ACYP2: variants seen among roughly 807,000 people sequenced by gnomAD.
ACYP2 encodes the protein acylphosphatase-2.
Under a neutral mutation model 11.2 loss-of-function variants are expected in ACYP2, and 12 were observed. That is an observed-to-expected ratio of 1.08 (90% CI 0.69 to 1.74). ACYP2 has a LOEUF of 1.74. ACYP2 is among the 40% of genes most tolerant of loss of function. The pLI is 0.00. For synonymous variants in ACYP2, 43 were observed against 32.2 expected (o/e 1.33, Z -1.13); for missense variants, 134 against 101.9 (o/e 1.31, Z -1.35).
At chr2:54,058,709 A>G (rs1441268099) in intron 4 of ACYP2, among the ~76,000 whole-genome samples, 1 of 135,298 alleles carries the variant, frequency 7.4e-6, no homozygotes, top group Non-Finnish European at 1.6e-5. Flanking sequence ...CTGGCTGATA[A>G]TTTTTTTTTT....
rs146979516 is a variant in ACYP2, at chr2:54,134,193, C to T, written c.278-1260C>T. 6.6e-5 allele frequency among the ~76,000 whole-genome samples: 10 copies of T among 152,130 alleles called. No individual in the cohort carries two copies. In the East Asian group the frequency reaches 1.2e-3, roughly 18 times the overall value. Reference sequence around the variant, plus strand: ...CCTGGAGTCCTAGCTACTCAGGAGGCGAGGCAGGAAGATCCCTTGAGCCCA... The same window carrying T: ...CCTGGAGTCCTAGCTACTCAGGAGGTGAGGCAGGAAGATCCCTTGAGCCCA... On this transcript the variant is annotated intron_variant, in intron 4 of 6. Coordinates refer to ENST00000607452, the MANE Select transcript of ACYP2 (RefSeq NM_001320586.2).
At chr2:54,269,102 TA>T (rs1463849156) in intron 6 of ACYP2, among the ~76,000 whole-genome samples, 4 of 152,154 alleles carry the variant, frequency 2.6e-5, no homozygotes, top group African/African-American at 9.7e-5. Context: ...TTCAAATTAT[TA>T]ACTGTTTTGA....
intron 6 of ACYP2, among the ~76,000 whole-genome samples, chr2:54,209,144 G>A (rs1181426605): frequency 6.6e-6 from 1 of 151,768 alleles, no homozygotes; most frequent in Non-Finnish European, 1.5e-5. Flanking sequence ...ACATTGGGGG[G>A]AAGTAGAGAA....
At chr2:54,030,844 G>A (rs13426251) in intron 2 of ACYP2, among the ~76,000 whole-genome samples, 2,950 of 152,146 alleles carry the variant, frequency 0.019, 98 homozygotes, top group African/African-American at 0.068. Context: ...CTTTCCCAAA[G>A]TTTCCTTCAG....
At chr2:54,154,932 T>A (rs1026930452) in intron 6 of ACYP2, among the ~76,000 whole-genome samples, 2 of 152,216 alleles carry the variant, frequency 1.3e-5, no homozygotes, top group African/African-American at 4.8e-5. Context: ...GTATTATTGA[T>A]TTAGTCTTTT....
In ACYP2 at chr2:54,200,991, C is replaced by A. The variant is rs2103906897; in HGVS notation, c.404+62243C>A. Among the ~76,000 whole-genome samples, 3 of 152,214 alleles carry A rather than the reference C, an allele frequency of 2.0e-5. No homozygotes were observed. The Middle Eastern group carries it at 0.01, about 518-fold the overall frequency. Reference sequence around the variant, plus strand: ...CTCATTATGGTTTTGATTTGTATTTCCCTGGCGGCTGATCATGTTAAAATC... The same window carrying A: ...CTCATTATGGTTTTGATTTGTATTTACCTGGCGGCTGATCATGTTAAAATC... On this transcript the variant is annotated intron_variant, in intron 6 of 6. Coordinates refer to ENST00000607452, the MANE Select transcript of ACYP2 (RefSeq NM_001320586.2).
intron 6 of ACYP2, among the ~76,000 whole-genome samples, chr2:54,256,683 C>G (rs1023889332): frequency 2.0e-5 from 3 of 152,172 alleles, no homozygotes; most frequent in Admixed American, 6.5e-5. Context: ...TCGCTGTCGC[C>G]GAGGCTGGAG....
At chr2:54,014,445 G>T (rs957846345) in intron 2 of ACYP2, among the ~76,000 whole-genome samples, 1 of 151,672 alleles carries the variant, frequency 6.6e-6, no homozygotes, top group African/African-American at 2.4e-5. Context: ...TCATCCTCCC[G>T]AGTAGCTGAG....
rs747633146 is a variant in ACYP2, at chr2:54,115,729, GACT to G, written c.278-19721_278-19719del. 1.6e-5 allele frequency: 26 copies of G among 1,613,074 alleles called. 1 individual carries two copies. In the South Asian group the frequency reaches 2.9e-4, roughly 18 times the overall value. Reference sequence around the variant, plus strand: ...TACCGCCCAGTCACTCAAATCCGTGGACTACGAGGTGTTCGGAAGAGTGCAGGG... The same window carrying G: ...TACCGCCCAGTCACTCAAATCCGTGGACGAGGTGTTCGGAAGAGTGCAGGG... On this transcript the variant is annotated intron_variant, in intron 4 of 6. Transcript: ENST00000607452.
chr2:54,093,833 C>T (rs940481290), intron 4 of ACYP2, among the ~76,000 whole-genome samples: 11 of 152,052 alleles, frequency 7.2e-5, no homozygotes, highest in African/African-American at 1.7e-4. Flanking sequence ...CCAGCTACTC[C>T]GGAGGCTGAG....
intron 6 of ACYP2, among the ~76,000 whole-genome samples, chr2:54,287,329 A>G (rs893331403): frequency 2.6e-4 from 39 of 151,952 alleles, no homozygotes; most frequent in Non-Finnish European, 5.6e-4. Flanking sequence ...CCCATGCATA[A>G]GGGCCCCCCC....
intron 4 of ACYP2, among the ~76,000 whole-genome samples, chr2:54,069,213 C>A (rs937729788): frequency 2.6e-5 from 4 of 152,048 alleles, no homozygotes; most frequent in African/African-American, 9.7e-5. Flanking sequence ...TTACAGGTGT[C>A]AGCCACAGCA....
intron 4 of ACYP2, among the ~76,000 whole-genome samples, chr2:54,131,136 T>C (rs976916592): frequency 1.3e-5 from 2 of 152,254 alleles, no homozygotes; most frequent in Non-Finnish European, 2.9e-5. Flanking sequence ...TGAAAAATGT[T>C]TGTTAAGTCA....
intron 4 of ACYP2, among the ~76,000 whole-genome samples, chr2:54,078,141 T>C (rs1677445672): frequency 6.6e-6 from 1 of 151,894 alleles, no homozygotes; most frequent in African/African-American, 2.4e-5. Flanking sequence ...GACATGGGGT[T>C]TCACCAGGTT....
At chr2:54,116,053 A>T (rs1487844302) in intron 4 of ACYP2, among the ~76,000 whole-genome samples, 2 of 151,616 alleles carry the variant, frequency 1.3e-5, no homozygotes, top group African/African-American at 2.4e-5. Flanking sequence ...GGCACGGGGG[A>T]ATGTTGAAGT....
In ACYP2 at chr2:54,286,985, A is replaced by G. The variant is rs1001714375; in HGVS notation, c.405-17703A>G. Among the ~76,000 whole-genome samples, 28 of 152,072 alleles carry G rather than the reference A, an allele frequency of 1.8e-4. 1 individual carries two copies. The highest frequency in any genetic ancestry group is 6.8e-4 in the African/African-American group (28 of 41,306). ...TATACTATCACATAATTATTTAACTACATAAAATTACCCTGGTGATTTAAA... is the reference window on the plus strand; with the variant it reads ...TATACTATCACATAATTATTTAACTGCATAAAATTACCCTGGTGATTTAAA... On this transcript the variant is annotated intron_variant, in intron 6 of 6. Transcript: ENST00000607452.
chr2:54,234,625 T>C (rs1686392315), intron 6 of ACYP2, among the ~76,000 whole-genome samples: 1 of 152,250 alleles, frequency 6.6e-6, no homozygotes, highest in African/African-American at 2.4e-5. Flanking sequence ...GTCTGTGGTG[T>C]TGGCTGTTAT....
At chr2:54,033,260 T>C (rs1177414961) in intron 2 of ACYP2, among the ~76,000 whole-genome samples, 1 of 151,334 alleles carries the variant, frequency 6.6e-6, no homozygotes, top group East Asian at 1.9e-4. Context: ...CACAGTGGTC[T>C]AACCAAGGCT....
intron 2 of ACYP2, among the ~76,000 whole-genome samples, chr2:54,022,234 G>A (rs920636217): frequency 7.9e-5 from 12 of 151,460 alleles, no homozygotes; most frequent in Admixed American, 2.6e-4. Context: ...TATTTGAGAA[G>A]TTGTAGATAT....
Sources: allele counts gnomAD v4.1 joint callset (sites outside exome capture counted in the v4.1 genomes callset), GRCh38; gene constraint gnomAD v4.1.1; transcripts MANE v1.5; gene names NCBI Gene and HGNC (gene_info 2026-07-23, HGNC 2026-07-21).